Variants in CLOCK observed in about 807,000 individuals in gnomAD.
CLOCK encodes the protein clock circadian regulator.
In CLOCK, 43 loss-of-function variants were observed where a neutral mutation model predicts 118.4. That is an observed-to-expected ratio of 0.36 (90% confidence interval 0.28 to 0.47). The LOEUF (loss-of-function observed/expected upper bound fraction) is 0.47. Ranked by LOEUF, CLOCK falls within the 20% of genes least tolerant of loss-of-function variation. The pLI, the probability that CLOCK is intolerant of heterozygous loss-of-function variation, is 1.00. For missense variants in CLOCK, 846 were observed against 999.9 expected, an observed-to-expected ratio of 0.85 and a Z score of 2.08; for synonymous variants, 326 against 339.2, an observed-to-expected ratio of 0.96 and a Z score of 0.43.
At chr4:55,437,880 A>G (rs1267541089) in intron 22 of CLOCK, among the ~76,000 whole-genome samples, 1 of 152,242 alleles carries the variant, frequency 6.6e-6, no homozygotes, top group Non-Finnish European at 1.5e-5. Flanking sequence ...ATTCAACAAA[A>G]TAATTTAAGG....
intron 2 of CLOCK, among the ~76,000 whole-genome samples, chr4:55,508,234 G>A (rs538694953): frequency 6.6e-6 from 1 of 152,258 alleles, no homozygotes; most frequent in Admixed American, 6.5e-5. Context: ...AAGTACTTAA[G>A]ATGTTAGGTA....
chr4:55,440,475 G>A (rs1362083753), intron 21 of CLOCK, among the ~76,000 whole-genome samples: 3 of 152,114 alleles, frequency 2.0e-5, no homozygotes, highest in Non-Finnish European at 4.4e-5. Flanking sequence ...TAACATAGAT[G>A]TGGCATGACA....
chr4:55,506,351 G>A (rs1337631870), intron 2 of CLOCK, among the ~76,000 whole-genome samples: 1 of 151,786 alleles, frequency 6.6e-6, no homozygotes, highest in East Asian at 1.9e-4. Context: ...CCCGGCTTCT[G>A]CTAAATACCT....
intron 9 of CLOCK, among the ~76,000 whole-genome samples, chr4:55,459,938 G>A (rs996943302): frequency 2.0e-5 from 3 of 152,168 alleles, no homozygotes; most frequent in Non-Finnish European, 2.9e-5. Flanking sequence ...ATAGGCGAGA[G>A]CCACTGCACC....
Position 55,429,282 on chromosome 4 carries a change from T to C in CLOCK, c.*6133A>G, listed in dbSNP as rs538595231. The C allele has an allele frequency of 6.6e-6, 1 of 152,326 alleles. No individual in the cohort carries two copies. The highest frequency in any genetic ancestry group is 2.1e-4 in the South Asian group (1 of 4,822). The allele number at this position is 152,326 out of a possible 1,614,324, so 9.4% of individuals were successfully genotyped here. On this transcript the variant is annotated 3_prime_UTR_variant, in exon 23 of 23. Coordinates refer to ENST00000513440, the MANE Select transcript of CLOCK (RefSeq NM_004898.4). ...AAGAAATATTTTTTAGATCATTAAA[T>C]TCAATTGTGGTTGACGTGCTTTAAC...
At chr4:55,500,755 A>G (rs1728380468) in intron 2 of CLOCK, among the ~76,000 whole-genome samples, 1 of 152,224 alleles carries the variant, frequency 6.6e-6, no homozygotes, top group Admixed American at 6.5e-5. Context: ...TTTAGTAGTC[A>G]CGACTAATTG....
chr4:55,459,608 G>A (rs767365892), intron 9 of CLOCK, among the ~76,000 whole-genome samples: 1 of 151,940 alleles, frequency 6.6e-6, no homozygotes, highest in Non-Finnish European at 1.5e-5. Flanking sequence ...TTTTCTCTAG[G>A]ACCCGGGCCA....
rs1723061175 is a variant in CLOCK, at chr4:55,438,333, A to C, written c.2310T>G (p.Val770=). ...TCAGCTGAGCCTGAGATGGTTGCTG[A>C]ACTGAAGTGAGCTGCTGCTCCTGGG... The part of the protein sequence containing the change: ...QSSQEQQLTS[V]QQPSQAQLTQ... Residue 770 remains valine (V), a synonymous_variant, in exon 22 of 23, where the codon GTT becomes GTG. Transcript: ENST00000513440. 9 of 1,614,058 alleles carry C rather than the reference A, an allele frequency of 5.6e-6. No homozygotes were observed. Among genetic ancestry groups the C allele is most frequent in the South Asian group, 1.1e-5 (1 of 91,080 alleles).
chr4:55,464,669 T>C (rs543093871), intron 8 of CLOCK, among the ~76,000 whole-genome samples: 5 of 152,338 alleles, frequency 3.3e-5, no homozygotes, highest in Admixed American at 6.5e-5. Flanking sequence ...CTAAAGCAGT[T>C]ATACTTTTTG....
chr4:55,464,010 G>C (rs1489905528), intron 8 of CLOCK, among the ~76,000 whole-genome samples: 1 of 152,140 alleles, frequency 6.6e-6, no homozygotes, highest in Non-Finnish European at 1.5e-5. Flanking sequence ...GACCTTGAAA[G>C]CCTGATAAAT....
intron 1 of CLOCK, among the ~76,000 whole-genome samples, chr4:55,545,169 CTCG>C (rs1467956408): frequency 2.0e-5 from 3 of 151,956 alleles, no homozygotes; most frequent in Admixed American, 1.3e-4. Context: ...CACCCATTAA[CTCG>C]TCGTTTACAT....
chr4:55,497,747 A>T (rs1728179327), intron 2 of CLOCK, among the ~76,000 whole-genome samples: 1 of 152,216 alleles, frequency 6.6e-6, no homozygotes, highest in South Asian at 2.1e-4. Context: ...GGCTCTAGGG[A>T]TATTCTTCTG....
intron 4 of CLOCK, 56 bp from the exon 5 acceptor site, chr4:55,479,755 T>C (rs1726790033): frequency 5.2e-6 from 7 of 1,342,216 alleles, no homozygotes; most frequent in Non-Finnish European, 7.5e-6. Flanking sequence ...ACAGCAATAC[T>C]AAAGTGACAT....
intron 1 of CLOCK, chr4:55,545,520 C>A (rs529201079): frequency 6.6e-6 from 1 of 152,216 alleles, no homozygotes; most frequent in African/African-American, 2.4e-5. Context: ...TTGTGCTTTT[C>A]TTCCACTGTA....
Position 55,483,401 on chromosome 4 carries a change from C to T in CLOCK, c.-43-573G>A, listed in dbSNP as rs548670995. ...GGAAACGAGGAAATATTCTTGATGA[C>T]AGTAAGTCTGTCAGGGAGTCAAAAT... is the stretch of plus-strand genomic sequence containing the variant. On this transcript the variant is annotated intron_variant, in intron 3 of 22. Transcript: ENST00000513440. Among the ~76,000 whole-genome samples the T allele has an allele frequency of 9.8e-5, 15 of 152,306 alleles. No individual in the cohort carries two copies. In the East Asian group the frequency reaches 1.5e-3, roughly 16 times the overall value.
rs550595356 is a variant in CLOCK at position 55,472,224 on chromosome 4, T to C, written c.349-1418A>G. Among the ~76,000 whole-genome samples, 8 of 152,174 alleles carry C rather than the reference T, an allele frequency of 5.3e-5. No individual in the cohort carries two copies. The South Asian group carries it at 1.7e-3, about 32-fold the overall frequency. On this transcript the variant is annotated intron_variant, in intron 7 of 22. Transcript: ENST00000513440. ...AGATAAAGAATAAGAAAATGAGAAA[T>C]GAATTTTGGTGATTTTCAAAAAGTT...
chr4:55,443,855 G>A lies in CLOCK; in HGVS notation c.1734C>T (p.Ser578=), dbSNP rs749778633. 8.7e-6 allele frequency: 14 copies of A among 1,613,088 alleles called. 1 individual carries two copies. The highest frequency in any genetic ancestry group is 5.3e-5 in the African/African-American group (4 of 74,832). The stretch of plus-strand genomic sequence containing the variant: ...ATGAATTTCCAGAAGAAAGTTGAAC[G>A]GAACCAAAATTCAACCCAGGATTTG... ...QQSNPGLNFG[S]VQLSSGNSSN... Residue 578 remains serine, a synonymous_variant, in exon 20 of 23, where the codon TCC becomes TCT. Transcript: ENST00000513440.
chr4:55,462,200 G>T (rs1577723480), intron 9 of CLOCK, among the ~76,000 whole-genome samples: 1 of 152,212 alleles, frequency 6.6e-6, no homozygotes, highest in East Asian at 1.9e-4. Flanking sequence ...CTTTTATTTA[G>T]TTCTCCAGTC....
At chr4:55,536,870 C>G (rs530977179) in intron 1 of CLOCK, among the ~76,000 whole-genome samples, 2 of 151,840 alleles carry the variant, frequency 1.3e-5, no homozygotes, top group Admixed American at 1.3e-4. Flanking sequence ...AATTATGAGA[C>G]ATAAACAAAA....
Sources: allele counts gnomAD v4.1 joint callset (sites outside exome capture counted in the v4.1 genomes callset), GRCh38; gene constraint gnomAD v4.1.1; transcripts MANE v1.5; gene names NCBI Gene and HGNC (gene_info 2026-07-23, HGNC 2026-07-21).